Variants in DPYD observed in about 807,000 individuals in gnomAD.
The protein encoded by DPYD is dihydropyrimidine dehydrogenase, also known as dihydropyrimidine dehydrogenase [NADP(+)].
In DPYD, 109 loss-of-function variants were observed where a neutral mutation model predicts 116.2. That is an observed-to-expected ratio of 0.94 (90% confidence interval 0.80 to 1.10). The LOEUF (loss-of-function observed/expected upper bound fraction) is 1.10. DPYD is among the 50% of genes least tolerant of loss of function. DPYD has a pLI of 0.00. For synonymous variants in DPYD, 440 were observed against 432.0 expected, an observed-to-expected ratio of 1.02 and a Z score of -0.23; for missense variants, 1,302 against 1,254.5, an observed-to-expected ratio of 1.04 and a Z score of -0.57.
intron 13 of DPYD, among the ~76,000 whole-genome samples, chr1:97,460,885 A>G (rs1676978417): frequency 6.6e-6 from 1 of 152,038 alleles, no homozygotes; most frequent in Non-Finnish European, 1.5e-5. Flanking sequence ...CTAAAGTACA[A>G]AATCAGCCAG....
intron 19 of DPYD, among the ~76,000 whole-genome samples, chr1:97,232,707 C>A (rs1191018024): frequency 6.6e-6 from 1 of 152,052 alleles, no homozygotes; most frequent in Non-Finnish European, 1.5e-5. Context: ...AGCACATCAG[C>A]TGAGTTTTAT....
chr1:97,901,832 T>C (rs1173410956), intron 1 of DPYD, among the ~76,000 whole-genome samples: 3 of 151,816 alleles, frequency 2.0e-5, no homozygotes, highest in Non-Finnish European at 4.4e-5. Context: ...TTTTCTTTAA[T>C]TGTAAAAAAA....
chr1:97,306,239 A>AAAGG lies in DPYD; in HGVS notation c.2113_2116dup (p.Phe706SerfsTer12). 1 of 1,612,606 alleles carries AAAGG rather than the reference A, an allele frequency of 6.2e-7. No homozygotes were observed. Among genetic ancestry groups the AAAGG allele is most frequent in the African/African-American group, 1.3e-5 (1 of 74,920 alleles). ...GACATTTGGGGTCAGCTTGGCAAAA[A>AAAGG]AAGGAATCTGAACAGCTTGCCTAAC... On this transcript the variant is annotated frameshift_variant, in exon 17 of 23. Transcript: ENST00000370192. LOFTEE classifies it high-confidence loss of function.
intron 14 of DPYD, among the ~76,000 whole-genome samples, chr1:97,444,984 T>C (rs994126789): frequency 3.9e-5 from 6 of 152,190 alleles, no homozygotes; most frequent in African/African-American, 1.2e-4. Context: ...AAAGGAGACC[T>C]AACGGCATGC....
At chr1:97,128,873 A>G (rs980735575) in intron 20 of DPYD, among the ~76,000 whole-genome samples, 1 of 152,162 alleles carries the variant, frequency 6.6e-6, no homozygotes, top group African/African-American at 2.4e-5. Flanking sequence ...GATAGTATCA[A>G]CTGAGATGGA....
In DPYD at chr1:97,305,277, T is replaced by C. The variant is rs963318212; in HGVS notation, c.2281A>G (p.Thr761Ala). The C allele has an allele frequency of 9.3e-6, 15 of 1,612,250 alleles. No homozygotes were observed. In the Admixed American group the frequency reaches 1.0e-4, roughly 11 times the overall value. ...CACCTACCAGACACTCCTCCATATGTAGTTCGCTTTGCAATCCCCACTGCT... is the reference window on the plus strand; with the variant it reads ...CACCTACCAGACACTCCTCCATATGCAGTTCGCTTTGCAATCCCCACTGCT... The part of the protein sequence containing the change: ...WPAVGIAKRT[T>A]YGGVSGTAIR... Residue 761 changes from threonine to alanine, a missense_variant, in exon 18 of 23, where the codon ACA (threonine) becomes GCA (alanine). By Grantham distance (58) the Thr-to-Ala change is moderately conservative. Coordinates refer to ENST00000370192, the MANE Select transcript of DPYD (RefSeq NM_000110.4).
intron 5 of DPYD, among the ~76,000 whole-genome samples, chr1:97,716,708 A>G (rs1431150456): frequency 1.3e-5 from 2 of 152,144 alleles, no homozygotes; most frequent in East Asian, 1.9e-4. Flanking sequence ...AACAGATGAG[A>G]AAGTTTCTAA....
intron 16 of DPYD, among the ~76,000 whole-genome samples, chr1:97,336,166 G>A (rs2101191699): frequency 6.6e-6 from 1 of 152,198 alleles, no homozygotes; most frequent in East Asian, 1.9e-4. Flanking sequence ...AAACACCATG[G>A]CACAATAATA....
chr1:97,698,969 A>G (rs540886716), intron 6 of DPYD, among the ~76,000 whole-genome samples: 2 of 152,058 alleles, frequency 1.3e-5, no homozygotes, highest in South Asian at 2.1e-4. Flanking sequence ...AGACAACACA[A>G]TGAATAGTCC....
chr1:97,781,381 C>A (rs891677514), intron 3 of DPYD, among the ~76,000 whole-genome samples: 3 of 152,092 alleles, frequency 2.0e-5, no homozygotes, highest in Admixed American at 1.3e-4. Flanking sequence ...TTCTGAGATG[C>A]CCCAGGGAAT....
intron 8 of DPYD, among the ~76,000 whole-genome samples, chr1:97,659,339 T>C (rs568213541): frequency 3.3e-5 from 5 of 152,264 alleles, no homozygotes; most frequent in African/African-American, 9.6e-5. Context: ...TGCTTATAAA[T>C]TGGCAGTCTG....
intron 14 of DPYD, among the ~76,000 whole-genome samples, chr1:97,430,526 T>C (rs775885507): frequency 6.6e-6 from 1 of 151,310 alleles, no homozygotes; most frequent in Non-Finnish European, 1.5e-5. Context: ...GAGGTGGAGG[T>C]GGCAGTGAGC....
At chr1:97,552,494 C>T (rs1651399026) in intron 11 of DPYD, among the ~76,000 whole-genome samples, 1 of 151,974 alleles carries the variant, frequency 6.6e-6, no homozygotes, top group Non-Finnish European at 1.5e-5. Context: ...ACCCTAGGGG[C>T]ATTTATTTGT....
At position 97,192,797 on chromosome 1, in the gene DPYD, C is replaced by T. The variant is rs1436653460; in HGVS notation, c.2622+272G>A. Among the ~76,000 whole-genome samples, 4 of 152,134 alleles carry T rather than the reference C, an allele frequency of 2.6e-5. No individual in the cohort carries two copies. In the East Asian group the frequency reaches 5.8e-4, roughly 22 times the overall value. On this transcript the variant is annotated intron_variant, in intron 20 of 22. Coordinates refer to ENST00000370192, the MANE Select transcript of DPYD (RefSeq NM_000110.4). ...CACTGGGAAGAATGCCAGTCATCAC[C>T]ACAGTAAGCAAGAATTTGGAGGCAC...
At chr1:97,773,789 C>T (rs563249918) in intron 3 of DPYD, among the ~76,000 whole-genome samples, 7 of 152,316 alleles carry the variant, frequency 4.6e-5, no homozygotes, top group African/African-American at 1.4e-4. Flanking sequence ...CTCCATCCCC[C>T]TTCTAGCTCC....
chr1:97,683,177 G>A (rs184192454), intron 7 of DPYD, among the ~76,000 whole-genome samples: 39 of 151,960 alleles, frequency 2.6e-4, no homozygotes, highest in Admixed American at 1.9e-3. Flanking sequence ...AATATTTCCA[G>A]ATGCTCTAAG....
intron 14 of DPYD, among the ~76,000 whole-genome samples, chr1:97,387,025 T>C (rs952384472): frequency 6.6e-6 from 1 of 152,134 alleles, no homozygotes; most frequent in African/African-American, 2.4e-5. Flanking sequence ...TGCAATGTTA[T>C]TAGAAATAAA....
chr1:97,211,395 T>C (rs998987877), intron 19 of DPYD, among the ~76,000 whole-genome samples: 3 of 152,168 alleles, frequency 2.0e-5, no homozygotes, highest in South Asian at 2.1e-4. Context: ...CTTACCACTA[T>C]CTGACATTTT....
chr1:97,906,925 C>T (rs1176953500), intron 1 of DPYD, among the ~76,000 whole-genome samples: 1 of 152,080 alleles, frequency 6.6e-6, no homozygotes, highest in African/African-American at 2.4e-5. Flanking sequence ...TGAATTGTCT[C>T]CATCACTACT....
Sources: allele counts gnomAD v4.1 joint callset (sites outside exome capture counted in the v4.1 genomes callset), GRCh38; gene constraint gnomAD v4.1.1; transcripts MANE v1.5; gene names NCBI Gene and HGNC (gene_info 2026-07-23, HGNC 2026-07-21).